NKAIN3: variants seen among roughly 807,000 people sequenced by gnomAD.
NKAIN3 encodes the protein sodium/potassium-transporting ATPase subunit beta-1-interacting protein 3.
In NKAIN3, 25 loss-of-function variants were observed where a neutral mutation model predicts 30.2. That is an observed-to-expected ratio of 0.83 (90% confidence interval 0.60 to 1.16). The LOEUF is 1.16. NKAIN3 is among the 50% of genes most tolerant of loss of function. NKAIN3 has a pLI of 0.00. For synonymous variants in NKAIN3, 91 were observed against 89.6 expected (o/e 1.02, Z -0.09); for missense variants, 225 against 254.1 (o/e 0.89, Z 0.78).
chr8:62,485,354 T>C (rs1806865925), intron 1 of NKAIN3, among the ~76,000 whole-genome samples: 1 of 152,194 alleles, frequency 6.6e-6, no homozygotes, highest in South Asian at 2.1e-4. Flanking sequence ...TTGATTATTT[T>C]TATTTGTTTT....
Position 62,982,276 on chromosome 8 carries a change from T to C in NKAIN3, c.*16869T>C, listed in dbSNP as rs1824100262. The C allele has an allele frequency of 6.6e-6, 1 of 152,222 alleles. No individual in the cohort carries two copies. Among genetic ancestry groups the C allele is most frequent in the African/African-American group, 2.4e-5 (1 of 41,456 alleles). The allele number at this position is 152,222 out of a possible 1,614,324, so 9.4% of individuals were successfully genotyped here. On this transcript the variant is annotated 3_prime_UTR_variant, in exon 7 of 7. Coordinates refer to ENST00000623646, the MANE Select transcript of NKAIN3 (RefSeq NM_001304533.3). ...TGTCCTGAAATTATTAATTATTGAC[T>C]TCTACTTAAATAAGATCTTATTTTC...
rs2129588634 is a variant in NKAIN3, at chr8:62,310,818, G to A, written c.54+61691G>A. On this transcript the variant is annotated intron_variant, in intron 1 of 6. Coordinates refer to ENST00000623646, the MANE Select transcript of NKAIN3 (RefSeq NM_001304533.3). The stretch of plus-strand genomic sequence containing the variant: ...AATCAACCAGCGAGGTGACTCCTCT[G>A]CTGCAGATTCTGCTGAGAGGCTGAG... Among the ~76,000 whole-genome samples the A allele has an allele frequency of 1.3e-5, 2 of 150,462 alleles. 1 individual carries two copies. The highest frequency in any genetic ancestry group is 5.0e-5 in the African/African-American group (2 of 39,844).
At chr8:62,839,883 A>C (rs1311329489) in intron 4 of NKAIN3, among the ~76,000 whole-genome samples, 1 of 152,060 alleles carries the variant, frequency 6.6e-6, no homozygotes, top group Non-Finnish European at 1.5e-5. Flanking sequence ...AAAGTGCTGA[A>C]ATTGCAGGCA....
At chr8:62,488,669 C>G (rs1415281288) in intron 1 of NKAIN3, among the ~76,000 whole-genome samples, 2 of 152,190 alleles carry the variant, frequency 1.3e-5, no homozygotes, top group African/African-American at 4.8e-5. Flanking sequence ...AGGTCTCTTA[C>G]TAGCCTAGAA....
At chr8:62,318,205 G>A (rs146148255) in intron 1 of NKAIN3, among the ~76,000 whole-genome samples, 108 of 152,230 alleles carry the variant, frequency 7.1e-4, no homozygotes, top group African/African-American at 2.5e-3. Context: ...TTCTAGATAT[G>A]CAATCATGTC....
intron 4 of NKAIN3, among the ~76,000 whole-genome samples, chr8:62,915,349 T>C (rs539612689): frequency 1.3e-5 from 2 of 152,110 alleles, no homozygotes; most frequent in South Asian, 4.2e-4. Context: ...TCCTTAACAG[T>C]AGGACAGGAA....
chr8:62,602,351 TATC>T (rs2130152222), intron 3 of NKAIN3, among the ~76,000 whole-genome samples: 1 of 152,244 alleles, frequency 6.6e-6, no homozygotes, highest in East Asian at 1.9e-4. Context: ...CTTTGTATTT[TATC>T]TTTTCTTCTT....
intron 4 of NKAIN3, among the ~76,000 whole-genome samples, chr8:62,823,912 G>A (rs1279577165): frequency 6.6e-6 from 1 of 152,102 alleles, no homozygotes; most frequent in Non-Finnish European, 1.5e-5. Flanking sequence ...CAAGCTCGCT[G>A]GTGGAAAGTT....
At chr8:62,958,744 T>G (rs1446553428) in intron 6 of NKAIN3, among the ~76,000 whole-genome samples, 2 of 152,198 alleles carry the variant, frequency 1.3e-5, no homozygotes, top group Non-Finnish European at 2.9e-5. Context: ...AAATCATGAC[T>G]GGTGTATTTC....
chr8:62,395,672 C>T (rs1817732841), intron 1 of NKAIN3, among the ~76,000 whole-genome samples: 1 of 152,146 alleles, frequency 6.6e-6, no homozygotes, highest in Non-Finnish European at 1.5e-5. Flanking sequence ...CACACACATA[C>T]ATATATATCC....
At chr8:62,360,536 TA>T (rs1816524080) in intron 1 of NKAIN3, among the ~76,000 whole-genome samples, 1 of 152,136 alleles carries the variant, frequency 6.6e-6, no homozygotes. Context: ...GAATTTAAAG[TA>T]AATTAGTTCA....
intron 3 of NKAIN3, among the ~76,000 whole-genome samples, chr8:62,603,261 AT>A (rs1336891735): frequency 6.6e-6 from 1 of 152,172 alleles, no homozygotes; most frequent in Non-Finnish European, 1.5e-5. Flanking sequence ...ATTTGCAACA[AT>A]TAACAAATTA....
intron 4 of NKAIN3, among the ~76,000 whole-genome samples, chr8:62,808,950 C>T (rs571743432): frequency 6.6e-6 from 1 of 152,218 alleles, no homozygotes; most frequent in Admixed American, 6.5e-5. Context: ...TTATTTCATC[C>T]CTTATCTGCA....
intron 4 of NKAIN3, chr8:62,855,520 T>A (rs1246176291): frequency 7.0e-7 from 1 of 1,435,482 alleles, no homozygotes. Flanking sequence ...TGTAATCTGG[T>A]GGGTAAACAA....
chr8:62,927,895 A>G (rs1684613489), intron 5 of NKAIN3, among the ~76,000 whole-genome samples: 2 of 152,234 alleles, frequency 1.3e-5, no homozygotes, highest in Non-Finnish European at 2.9e-5. Context: ...TTTAAATAAC[A>G]AAATGGCATA....
At chr8:62,763,221 CAAAAAAAAAAAA>C (rs55873861) in intron 4 of NKAIN3, among the ~76,000 whole-genome samples, 1 of 47,184 alleles carries the variant, frequency 2.1e-5, no homozygotes, top group African/African-American at 6.0e-5. Context: ...GACTCCGTCT[CAAAAAAAAAAAA>C]AAAAAAAAAA....
intron 3 of NKAIN3, among the ~76,000 whole-genome samples, chr8:62,644,364 A>G (rs1280296337): frequency 6.6e-6 from 1 of 152,138 alleles, no homozygotes; most frequent in African/African-American, 2.4e-5. Context: ...CCTGATAGAT[A>G]CAAATAAATT....
chr8:62,405,502 G>A (rs1356163936), intron 1 of NKAIN3, among the ~76,000 whole-genome samples: 2 of 152,322 alleles, frequency 1.3e-5, no homozygotes, highest in South Asian at 2.1e-4. Context: ...GCAGATGCTG[G>A]CTGAGTTCTG....
intron 1 of NKAIN3, among the ~76,000 whole-genome samples, chr8:62,571,040 C>A (rs1809919402): frequency 6.6e-6 from 1 of 152,032 alleles, no homozygotes; most frequent in Admixed American, 6.5e-5. Flanking sequence ...TCAATTCTTT[C>A]CTTAAAGTGT....
Sources: gnomAD v4.1 joint callset for allele counts (sites outside exome capture counted in the v4.1 genomes callset) on GRCh38, gnomAD v4.1.1 for gene constraint, MANE v1.5 for transcripts, NCBI Gene and HGNC (gene_info 2026-07-23, HGNC 2026-07-21) for gene names.